The following ZNF330 variants were observed in gnomAD, a reference collection of about 807,000 sequenced individuals.
ZNF330 encodes the protein zinc finger protein 330.
Under a neutral mutation model 45.5 loss-of-function variants are expected in ZNF330, and 31 were observed. That is an observed-to-expected ratio of 0.68 (90% CI 0.51 to 0.92). The LOEUF is 0.92. Among genes scored for constraint, ZNF330 ranks in the 40% least tolerant of loss-of-function variants. The pLI, the probability that ZNF330 is intolerant of heterozygous loss-of-function variation, is 0.00. For missense variants in ZNF330, 356 were observed against 387.4 expected, an observed-to-expected ratio of 0.92 and a Z score of 0.68; for synonymous variants, 138 against 123.2, an observed-to-expected ratio of 1.12 and a Z score of -0.79.
intron 5 of ZNF330, among the ~76,000 whole-genome samples, chr4:141,227,288 C>G (rs1294187319): frequency 6.6e-5 from 10 of 151,980 alleles, no homozygotes; most frequent in Non-Finnish European, 1.5e-4. Flanking sequence ...CCCATCCCCC[C>G]ACCCCACAAC....
At chr4:141,226,987 A>C in intron 5 of ZNF330, 141 bp downstream of exon 5, 1 of 568,514 alleles carries the variant, frequency 1.8e-6, no homozygotes, top group Non-Finnish European at 2.9e-6. Context: ...TATGAGTGGC[A>C]TGCTTTTTGT....
intron 8 of ZNF330, among the ~76,000 whole-genome samples, chr4:141,231,962 A>G (rs2111259594): frequency 6.6e-6 from 1 of 152,116 alleles, no homozygotes; most frequent in South Asian, 2.1e-4. Context: ...TTTATCTTCC[A>G]ACTCTGTTCT....
At chr4:141,228,351 TA>T (rs1271186646) in intron 5 of ZNF330, among the ~76,000 whole-genome samples, 1 of 152,156 alleles carries the variant, frequency 6.6e-6, no homozygotes, top group Non-Finnish European at 1.5e-5. Flanking sequence ...TCTTTAGTTG[TA>T]AATTCTAGAA....
At chr4:141,221,523 C>T (rs555795047) in intron 1 of ZNF330, among the ~76,000 whole-genome samples, 1 of 152,264 alleles carries the variant, frequency 6.6e-6, no homozygotes, top group South Asian at 2.1e-4. Flanking sequence ...TAGATTTTGT[C>T]ATTTTACATA....
At chr4:141,232,476 A>T in intron 8 of ZNF330, 49 bp from the exon 9 acceptor site, 1 of 1,041,166 alleles carries the variant, frequency 9.6e-7, no homozygotes, top group Non-Finnish European at 1.3e-6. Flanking sequence ...GTCTTTTTGT[A>T]TATTTTTACA....
rs1226493526 is a variant in ZNF330 at position 141,222,439 on chromosome 4, G to A, written c.68G>A (p.Arg23Lys). The change falls in exon 2 of 10, where the codon AGA (arginine) becomes AAA (lysine). Residue 23 changes from arginine (R) to lysine (K), a missense_variant. Arg to Lys is a conservative substitution (Grantham distance 26). Coordinates refer to ENST00000262990, the MANE Select transcript of ZNF330 (RefSeq NM_014487.6). Reference sequence around the variant, plus strand: ...CGCCGAGAACGTGAAAAACAACTAAGAGCATCAAGAAGCACTATAGATTTA... The same window carrying A: ...CGCCGAGAACGTGAAAAACAACTAAAAGCATCAAGAAGCACTATAGATTTA... ...ENRREREKQL[R>K]ASRSTIDLAK... 8.1e-6 allele frequency: 13 copies of A among 1,613,630 alleles called. No individual in the cohort carries two copies. In the Admixed American group the frequency reaches 2.0e-4, roughly 25 times the overall value.
At chr4:141,233,584 T>C (rs1334759855) in intron 9 of ZNF330, 131 bp from the exon 10 acceptor site, 1 of 1,405,420 alleles carries the variant, frequency 7.1e-7, no homozygotes, top group Non-Finnish European at 9.4e-7. Context: ...GTGAAAAAAT[T>C]AGGAAAATGT....
chr4:141,226,239 A>G (rs1209540481), intron 4 of ZNF330, among the ~76,000 whole-genome samples: 1 of 152,110 alleles, frequency 6.6e-6, no homozygotes, highest in Non-Finnish European at 1.5e-5. Context: ...AAAATGTTTA[A>G]CTGGGGGCTT....
At chr4:141,226,247 C>T (rs970466867) in intron 4 of ZNF330, among the ~76,000 whole-genome samples, 1 of 151,924 alleles carries the variant, frequency 6.6e-6, no homozygotes, top group Non-Finnish European at 1.5e-5. Flanking sequence ...TAACTGGGGG[C>T]TTCGTTGTAA....
chr4:141,222,727 T>C (rs1728712496), intron 2 of ZNF330: 4 of 300,830 alleles, frequency 1.3e-5, no homozygotes, highest in Non-Finnish European at 1.2e-5. Flanking sequence ...AAGGTAGATA[T>C]TGGACAAGAA....
Position 141,224,658 on chromosome 4 carries a change from A to G in ZNF330, c.192A>G (p.Leu64=). 1 of 1,613,494 alleles carries G rather than the reference A, an allele frequency of 6.2e-7. No homozygotes were observed. Among genetic ancestry groups the G allele is most frequent in the Non-Finnish European group, 8.5e-7 (1 of 1,179,534 alleles). The part of the protein sequence containing the change: ...FCYFCNSVQK[L]PICAQCGKTK... Reference sequence around the variant, plus strand: ...ACTTTTGTAATTCTGTACAGAAGTTACCAATTTGTGCACAGTGTGGTAAGT... The same window carrying G: ...ACTTTTGTAATTCTGTACAGAAGTTGCCAATTTGTGCACAGTGTGGTAAGT... The change falls in exon 4 of 10, where the codon TTA becomes TTG. Residue 64 remains leucine, a synonymous_variant. Transcript: ENST00000262990.
chr4:141,234,305 G>T lies in ZNF330; in HGVS notation c.*316G>T. The T allele has an allele frequency of 4.9e-6, 1 of 203,364 alleles. No homozygotes were observed. Among genetic ancestry groups the T allele is most frequent in the Non-Finnish European group, 9.7e-6 (1 of 103,506 alleles). The allele number at this position is 203,364 out of a possible 1,614,324, so 12.6% of individuals were successfully genotyped here. ...TATATACAAGATAAAGGAATAGGATGGTAATATATTTGTTTGAAATTAAAT... is the reference window on the plus strand; with the variant it reads ...TATATACAAGATAAAGGAATAGGATTGTAATATATTTGTTTGAAATTAAAT... On this transcript the variant is annotated 3_prime_UTR_variant, in exon 10 of 10. Transcript: ENST00000262990.
At chr4:141,227,048 T>G (rs1326171153) in intron 5 of ZNF330, among the ~76,000 whole-genome samples, 1 of 152,030 alleles carries the variant, frequency 6.6e-6, no homozygotes, top group African/African-American at 2.4e-5. Context: ...TTCTTTCTTA[T>G]TAGGGAACAT....
At chr4:141,225,563 T>A (rs1007216834) in intron 4 of ZNF330, among the ~76,000 whole-genome samples, 17 of 151,056 alleles carry the variant, frequency 1.1e-4, no homozygotes, top group Non-Finnish European at 1.9e-4. Context: ...GTAGAACAAT[T>A]TGGGGTATGC....
At chr4:141,230,307 G>T (rs767708538) in intron 7 of ZNF330, 37 bp downstream of exon 7, 1 of 1,253,448 alleles carries the variant, frequency 8.0e-7, no homozygotes, top group South Asian at 1.3e-5. Flanking sequence ...TTATACCCAA[G>T]ATTCTGAATA....
At chr4:141,222,245 A>C (rs1384579986) in intron 1 of ZNF330, 121 bp from the exon 2 acceptor site, 2 of 1,206,470 alleles carry the variant, frequency 1.7e-6, no homozygotes, top group African/African-American at 3.1e-5. Context: ...TTAACTATCG[A>C]AAGGATAGAG....
intron 2 of ZNF330, 98 bp downstream of exon 2, chr4:141,222,589 T>C: frequency 7.4e-7 from 1 of 1,345,658 alleles, no homozygotes; most frequent in Non-Finnish European, 1.0e-6. Flanking sequence ...ACAGTGTTTT[T>C]GCATATAGTT....
In ZNF330 at chr4:141,222,459, G is replaced by A. The variant is rs778703629; in HGVS notation, c.88G>A (p.Asp30Asn). 6.2e-7 allele frequency: 1 copy of A among 1,613,508 alleles called. No homozygotes were observed. Among genetic ancestry groups the A allele is most frequent in the South Asian group, 1.1e-5 (1 of 91,040 alleles). Residue 30 changes from aspartate to asparagine, a missense_variant, in exon 2 of 10, where the codon GAT becomes AAT. Coordinates refer to ENST00000262990, the MANE Select transcript of ZNF330 (RefSeq NM_014487.6). The part of the protein sequence containing the change: ...KQLRASRSTI[D>N]LAKHPCNASM... Reference sequence around the variant, plus strand: ...ACTAAGAGCATCAAGAAGCACTATAGATTTAGCTAAACATCCATGTAATGC... The same window carrying A: ...ACTAAGAGCATCAAGAAGCACTATAAATTTAGCTAAACATCCATGTAATGC...
chr4:141,231,544 C>A, intron 8 of ZNF330, 59 bp downstream of exon 8: 1 of 1,250,848 alleles, frequency 8.0e-7, no homozygotes, highest in Non-Finnish European at 1.1e-6. Flanking sequence ...ACCCCTCCAC[C>A]AGTCCTTGGC....
Sources: allele counts gnomAD v4.1 joint callset (sites outside exome capture counted in the v4.1 genomes callset), GRCh38; gene constraint gnomAD v4.1.1; transcripts MANE v1.5; gene names NCBI Gene and HGNC (gene_info 2026-07-23, HGNC 2026-07-21).